The following PKIB variants were observed in gnomAD, a reference collection of about 807,000 sequenced individuals.
PKIB encodes the protein cAMP-dependent protein kinase inhibitor beta.
Under a neutral mutation model 4.5 loss-of-function variants are expected in PKIB, and 2 were observed. The observed-to-expected ratio is 0.44, with a 90% CI of 0.18 to 1.39. PKIB has a LOEUF of 1.39. Ranked by LOEUF, PKIB falls within the 40% of genes most tolerant of loss-of-function variation. PKIB has a pLI of 0.27. For synonymous variants in PKIB, 38 were observed against 36.0 expected (o/e 1.06, Z -0.20); for missense variants, 94 against 92.6 (o/e 1.02, Z -0.06).
chr6:122,532,714 G>A (rs970584457), intron 2 of PKIB, among the ~76,000 whole-genome samples: 2 of 152,096 alleles, frequency 1.3e-5, no homozygotes, highest in Admixed American at 6.6e-5. Context: ...TTTCATGGCT[G>A]GATAATATCC....
intron 3 of PKIB, among the ~76,000 whole-genome samples, chr6:122,686,943 T>C (rs1358736821): frequency 1.3e-5 from 2 of 152,244 alleles, no homozygotes; most frequent in Non-Finnish European, 2.9e-5. Flanking sequence ...GATTGTTTCC[T>C]TTCCTGTGAA....
chr6:122,673,982 A>G (rs1233925086), intron 2 of PKIB, among the ~76,000 whole-genome samples: 1 of 152,176 alleles, frequency 6.6e-6, no homozygotes, highest in Non-Finnish European at 1.5e-5. Flanking sequence ...AAGAAGATAT[A>G]CTAGCAAGGA....
At chr6:122,603,487 CT>C (rs1025423864) in intron 3 of PKIB, among the ~76,000 whole-genome samples, 3 of 151,036 alleles carry the variant, frequency 2.0e-5, no homozygotes, top group African/African-American at 7.3e-5. Flanking sequence ...TTCTTTTTTT[CT>C]TTTTTTTTGA....
rs530257053 is a variant in PKIB at position 122,599,035 on chromosome 6, C to A, written c.-161+13028C>A. 4.6e-5 allele frequency among the ~76,000 whole-genome samples: 7 copies of A among 152,278 alleles called. No individual in the cohort carries two copies. The South Asian group carries it at 1.4e-3, about 32-fold the overall frequency. On this transcript the variant is annotated intron_variant, in intron 3 of 6. Transcript: ENST00000392491. ...CCTCCTCATGGGTCACATTCTCAAC[C>A]TCACCTCTAGGGTCCACTGGTAGCT...
In PKIB at chr6:122,518,877, A is replaced by T. The variant is rs530008532; in HGVS notation, c.-248+40938A>T. ...TACAAAGATATTTTAAAAATTGGTC[A>T]TTCAGACGCAGACTGAGCACCACAT... On this transcript the variant is annotated intron_variant, in intron 2 of 6. Coordinates refer to the PKIB transcript ENST00000392491. Among the ~76,000 whole-genome samples, 237 of 152,338 alleles carry T rather than the reference A, an allele frequency of 1.6e-3. 1 individual carries two copies. Among genetic ancestry groups the T allele is most frequent in the Non-Finnish European group, 2.8e-3 (190 of 68,040 alleles).
intron 2 of PKIB, among the ~76,000 whole-genome samples, chr6:122,664,068 T>G (rs927617383): frequency 6.6e-6 from 1 of 152,226 alleles, no homozygotes; most frequent in African/African-American, 2.4e-5. Flanking sequence ...AAGATGATGT[T>G]ATGTCAACTA....
At chr6:122,634,058 T>C (rs1775814566) in intron 2 of PKIB, among the ~76,000 whole-genome samples, 1 of 152,294 alleles carries the variant, frequency 6.6e-6, no homozygotes, top group South Asian at 2.1e-4. Context: ...CACATTCATA[T>C]TGCAGTCTTA....
chr6:122,603,423 T>C (rs1053933631), intron 3 of PKIB, among the ~76,000 whole-genome samples: 1 of 152,314 alleles, frequency 6.6e-6, no homozygotes, highest in South Asian at 2.1e-4. Context: ...ATTTTATGTA[T>C]CCGTGCACAG....
At chr6:122,680,403 G>T (rs1311300138) in intron 3 of PKIB, among the ~76,000 whole-genome samples, 2 of 152,224 alleles carry the variant, frequency 1.3e-5, no homozygotes, top group Non-Finnish European at 2.9e-5. Flanking sequence ...TTTGGGGGAG[G>T]ACCCTCTCTG....
intron 3 of PKIB, among the ~76,000 whole-genome samples, chr6:122,679,433 A>G (rs1262026944): frequency 1.3e-5 from 2 of 152,116 alleles, no homozygotes; most frequent in Non-Finnish European, 2.9e-5. Flanking sequence ...TGAGATGGTA[A>G]GATTTGCTGG....
intron 3 of PKIB, among the ~76,000 whole-genome samples, chr6:122,700,899 G>A (rs1778787051): frequency 1.3e-5 from 2 of 152,142 alleles, no homozygotes; most frequent in African/African-American, 2.4e-5. Flanking sequence ...ATTAGTCTAT[G>A]GCTTGGATAG....
chr6:122,633,232 A>G (rs919804405), intron 1 of PKIB, 51 bp from the exon 2 acceptor site: 1 of 152,266 alleles, frequency 6.6e-6, no homozygotes, highest in African/African-American at 2.4e-5. Context: ...AGAGACAAGC[A>G]ACTGGAGATG....
chr6:122,659,403 T>C (rs758526046), intron 2 of PKIB, among the ~76,000 whole-genome samples: 35 of 152,194 alleles, frequency 2.3e-4, no homozygotes, highest in Non-Finnish European at 4.3e-4. Context: ...TTTAAAGACA[T>C]TGTGCATAAT....
In PKIB at chr6:122,552,355, C is replaced by A. The variant is rs553799282; in HGVS notation, c.-247-33566C>A. 5.3e-5 allele frequency among the ~76,000 whole-genome samples: 8 copies of A among 152,004 alleles called. No homozygotes were observed. In the East Asian group the frequency reaches 1.6e-3, roughly 29 times the overall value. On this transcript the variant is annotated intron_variant, in intron 2 of 6. Coordinates refer to the PKIB transcript ENST00000392491. ...TTCCTCAGCATCTCCACATCTCAGG[C>A]AGTTTTGTTGTTGTTTTGTTTTGTT...
chr6:122,618,005 A>G (rs1180984822), intron 1 of PKIB, among the ~76,000 whole-genome samples: 1 of 152,144 alleles, frequency 6.6e-6, no homozygotes, highest in Admixed American at 6.6e-5. Context: ...AGAAAATTAA[A>G]GAAAATAACA....
At chr6:122,716,022 G>A (rs1273337843) in intron 3 of PKIB, among the ~76,000 whole-genome samples, 1 of 152,080 alleles carries the variant, frequency 6.6e-6, no homozygotes, top group Non-Finnish European at 1.5e-5. Context: ...ATATAAAAAT[G>A]TTCATGTAGT....
intron 2 of PKIB, among the ~76,000 whole-genome samples, chr6:122,540,298 G>A (rs1777553133): frequency 6.6e-6 from 1 of 151,762 alleles, no homozygotes; most frequent in Admixed American, 6.6e-5. Context: ...GATCTTTTCT[G>A]CTTTCTCTTG....
intron 2 of PKIB, among the ~76,000 whole-genome samples, chr6:122,505,281 T>C (rs956638671): frequency 6.6e-6 from 1 of 152,142 alleles, no homozygotes; most frequent in Non-Finnish European, 1.5e-5. Flanking sequence ...CATGGGAACA[T>C]GATGGCAATT....
rs1176340404 is a variant in PKIB at position 122,529,961 on chromosome 6, C to CAT, written c.-248+52023_-248+52024dup. Among the ~76,000 whole-genome samples, 4 of 152,056 alleles carry CAT rather than the reference C, an allele frequency of 2.6e-5. No homozygotes were observed. In the East Asian group the frequency reaches 7.7e-4, roughly 29 times the overall value. On this transcript the variant is annotated intron_variant, in intron 2 of 6. Coordinates refer to the PKIB transcript ENST00000392491. The stretch of plus-strand genomic sequence containing the variant: ...GAGTTTTTTCAGCTTCTTGAATCCA[C>CAT]ATGTCCGTTTCTTTCTTCAGATCTG...
Sources: gnomAD v4.1 joint callset for allele counts (sites outside exome capture counted in the v4.1 genomes callset) on GRCh38, gnomAD v4.1.1 for gene constraint, MANE v1.5 for transcripts, NCBI Gene and HGNC (gene_info 2026-07-23, HGNC 2026-07-21) for gene names.